Variants in SNTG1 observed in about 807,000 individuals in gnomAD.
SNTG1 encodes the protein syntrophin gamma 1.
Under a neutral mutation model 74.7 loss-of-function variants are expected in SNTG1, and 39 were observed. The observed-to-expected ratio is 0.52, with a 90% confidence interval of 0.40 to 0.68. The LOEUF (loss-of-function observed/expected upper bound fraction) is 0.68, where lower values mean the gene tolerates loss of function less well. Among genes scored for constraint, SNTG1 ranks in the 30% least tolerant of loss-of-function variants. The pLI is 0.00. For synonymous variants in SNTG1, 254 were observed against 217.1 expected (o/e 1.17, Z -1.49); for missense variants, 685 against 609.5 (o/e 1.12, Z -1.30).
At chr8:50,509,883 CT>C (rs1173326886) in intron 9 of SNTG1, among the ~76,000 whole-genome samples, 1 of 152,178 alleles carries the variant, frequency 6.6e-6, no homozygotes, top group Non-Finnish European at 1.5e-5. Flanking sequence ...TTGACTTCCT[CT>C]TTTCCTAATT....
At chr8:50,711,091 G>A (rs2095460264) in intron 17 of SNTG1, among the ~76,000 whole-genome samples, 1 of 152,120 alleles carries the variant, frequency 6.6e-6, no homozygotes, top group Non-Finnish European at 1.5e-5. Context: ...GGAGATTCCT[G>A]GGCAACCCAC....
At chr8:50,113,098 A>G (rs977967833) in intron 1 of SNTG1, among the ~76,000 whole-genome samples, 2 of 152,118 alleles carry the variant, frequency 1.3e-5, no homozygotes, top group African/African-American at 4.8e-5. Context: ...TTTTGGTTCC[A>G]TATGAATTTT....
intron 1 of SNTG1, among the ~76,000 whole-genome samples, chr8:49,956,686 T>A (rs318889): frequency 0.085 from 12,933 of 152,180 alleles, 1,772 homozygotes; most frequent in African/African-American, 0.29. Flanking sequence ...TCTTTTTTTT[T>A]AATTTTATTT....
intron 17 of SNTG1, among the ~76,000 whole-genome samples, chr8:50,721,325 C>A (rs1246323481): frequency 6.6e-6 from 1 of 152,216 alleles, no homozygotes; most frequent in Non-Finnish European, 1.5e-5. Flanking sequence ...GTTTCCTCTT[C>A]CCTTCCCACT....
chr8:50,119,868 A>G (rs1233899699), intron 1 of SNTG1, among the ~76,000 whole-genome samples: 1 of 142,248 alleles, frequency 7.0e-6, no homozygotes, highest in African/African-American at 2.5e-5. Context: ...CTGTTACAGG[A>G]AAGTGCAATA....
chr8:50,518,607 T>C (rs556334809), intron 9 of SNTG1, among the ~76,000 whole-genome samples: 2 of 151,978 alleles, frequency 1.3e-5, no homozygotes, highest in East Asian at 1.9e-4. Flanking sequence ...CACAGTAAAA[T>C]ATGATAAAGG....
rs574637478 is a variant in SNTG1 at position 50,784,447 on chromosome 8, A to G, written c.1396-8224A>G. On this transcript the variant is annotated intron_variant, in intron 18 of 18. Transcript: ENST00000642720. ...CAAAAATTGTTTCAAGATACTAAAA[A>G]GGGCATTTTATAATGAAAAATGAAT... Among the ~76,000 whole-genome samples, 27 of 152,348 alleles carry G rather than the reference A, an allele frequency of 1.8e-4. 1 individual carries two copies. In the East Asian group the frequency reaches 5.2e-3, roughly 29 times the overall value.
intron 1 of SNTG1, among the ~76,000 whole-genome samples, chr8:50,082,147 T>C (rs1421091770): frequency 6.6e-6 from 1 of 152,156 alleles, no homozygotes; most frequent in African/African-American, 2.4e-5. Context: ...TTCCTCTATG[T>C]GGTGAGAAAT....
chr8:49,938,339 A>G (rs542962988), intron 1 of SNTG1, among the ~76,000 whole-genome samples: 46 of 152,126 alleles, frequency 3.0e-4, no homozygotes, highest in Non-Finnish European at 5.7e-4. Context: ...TAATCCACAT[A>G]ATAATCCTAG....
rs562590189 is a variant in SNTG1 at position 49,955,703 on chromosome 8, C to G, written c.-103+43472C>G. ...TGGCAGTACTCTCCTCAGTAAAAGA[C>G]AAAGGCTAAATCTTTGTCCAACATT... On this transcript the variant is annotated intron_variant, in intron 1 of 18. Transcript: ENST00000642720. Among the ~76,000 whole-genome samples the G allele has an allele frequency of 3.3e-5, 5 of 152,340 alleles. No homozygotes were observed. In the South Asian group the frequency reaches 1.0e-3, roughly 32 times the overall value.
chr8:50,446,784 T>C (rs1428020945), intron 5 of SNTG1, among the ~76,000 whole-genome samples: 3 of 152,216 alleles, frequency 2.0e-5, no homozygotes, highest in Non-Finnish European at 2.9e-5. Flanking sequence ...AAAATAAGTG[T>C]TACATTTTGC....
At chr8:50,364,843 C>T (rs1222352159) in intron 2 of SNTG1, among the ~76,000 whole-genome samples, 2 of 151,902 alleles carry the variant, frequency 1.3e-5, no homozygotes, top group Non-Finnish European at 2.9e-5. Flanking sequence ...TGACTTCTTA[C>T]AAATCACAAA....
chr8:50,726,443 G>C (rs2095500327), intron 17 of SNTG1, among the ~76,000 whole-genome samples: 1 of 152,168 alleles, frequency 6.6e-6, no homozygotes, highest in Non-Finnish European at 1.5e-5. Flanking sequence ...CCCTCAGGCA[G>C]AGTGGGCAAC....
chr8:50,192,296 G>A (rs886336704), intron 2 of SNTG1, among the ~76,000 whole-genome samples: 16 of 152,264 alleles, frequency 1.1e-4, no homozygotes, highest in African/African-American at 3.8e-4. Flanking sequence ...CTGCTTTTTA[G>A]GTTTGAGAAA....
chr8:50,509,499 C>T (rs2094044680), intron 9 of SNTG1, among the ~76,000 whole-genome samples: 2 of 152,106 alleles, frequency 1.3e-5, no homozygotes, highest in African/African-American at 4.8e-5. Context: ...CTATAAATTA[C>T]CTTGGGCAGT....
At chr8:50,608,970 A>G (rs1159673742) in intron 13 of SNTG1, among the ~76,000 whole-genome samples, 1 of 151,950 alleles carries the variant, frequency 6.6e-6, no homozygotes, top group Admixed American at 6.6e-5. Flanking sequence ...TTATATAAAT[A>G]TTTTGCTGCA....
chr8:49,927,392 C>T (rs1807123393), intron 1 of SNTG1, among the ~76,000 whole-genome samples: 1 of 151,974 alleles, frequency 6.6e-6, no homozygotes, highest in African/African-American at 2.4e-5. Context: ...TCTGGTACTT[C>T]CAGGTAAGGG....
At chr8:50,145,142 G>A (rs2081811787) in intron 1 of SNTG1, among the ~76,000 whole-genome samples, 1 of 152,206 alleles carries the variant, frequency 6.6e-6, no homozygotes, top group East Asian at 1.9e-4. Flanking sequence ...GACAGTGGCA[G>A]AGCCCTGGCC....
intron 13 of SNTG1, among the ~76,000 whole-genome samples, chr8:50,646,214 G>A (rs772800094): frequency 3.9e-5 from 6 of 152,050 alleles, no homozygotes; most frequent in Admixed American, 6.6e-5. Context: ...TTAATACACA[G>A]CCTTACCGGC....
Sources: gnomAD v4.1 joint callset for allele counts (sites outside exome capture counted in the v4.1 genomes callset) on GRCh38, gnomAD v4.1.1 for gene constraint, MANE v1.5 for transcripts, NCBI Gene and HGNC (gene_info 2026-07-23, HGNC 2026-07-21) for gene names.